Variants in CDKL5 observed in about 807,000 individuals in gnomAD.
The protein encoded by CDKL5 is cyclin-dependent kinase-like 5.
In CDKL5, 8 loss-of-function variants were observed where a neutral mutation model predicts 61.7. That is an observed-to-expected ratio of 0.13 (90% CI 0.08 to 0.23). The LOEUF (loss-of-function observed/expected upper bound fraction) is 0.23, where lower values mean the gene tolerates loss of function less well. CDKL5 is among the 10% of genes least tolerant of loss of function. The pLI is 1.00. For missense variants in CDKL5, 440 were observed against 734.5 expected, an observed-to-expected ratio of 0.60 and a Z score of 4.63; for synonymous variants, 275 against 272.3, an observed-to-expected ratio of 1.01 and a Z score of -0.10.
intron 13 of CDKL5, among the ~76,000 whole-genome samples, chrX:18,609,116 G>A (rs962309093): frequency 2.7e-5 from 3 of 111,617 alleles, no homozygotes; most frequent in Non-Finnish European, 3.8e-5. Context: ...TCTAAATTTG[G>A]GCCAGGTGGC....
chrX:18,640,965 G>A (rs1927553257), downstream of CDKL5: 1 of 112,841 alleles, frequency 8.9e-6, no homozygotes, highest in South Asian at 3.6e-4. Flanking sequence ...AGGAGCAGGC[G>A]CAGTTTGCGT....
intron 1 of CDKL5, among the ~76,000 whole-genome samples, chrX:18,463,346 C>G (rs1264146771): frequency 9.0e-6 from 1 of 111,648 alleles, no homozygotes; most frequent in East Asian, 2.8e-4. Context: ...AATTCAGGTA[C>G]TTGAGGGGAC....
At chrX:18,503,943 A>G (rs1922476377) in intron 1 of CDKL5, among the ~76,000 whole-genome samples, 1 of 111,200 alleles carries the variant, frequency 9.0e-6, no homozygotes, top group African/African-American at 3.3e-5. Flanking sequence ...GGGTTTCACC[A>G]CATTTCCTAG....
chrX:18,561,077 T>C (rs1924790223), intron 3 of CDKL5, among the ~76,000 whole-genome samples: 1 of 111,466 alleles, frequency 9.0e-6, no homozygotes. Flanking sequence ...TCCTAGTATA[T>C]AGATTTTGTT....
rs190908759 is a variant in CDKL5 at position 18,629,575 on chromosome X, C to T, written c.*818C>T. ...ATATGAAGTGAGTATTATACTTCTA[C>T]TAAAGGGAGTTGAATTGTGGCTACA... On this transcript the variant is annotated 3_prime_UTR_variant, in exon 18 of 18. Transcript: ENST00000623535. 7.1e-4 allele frequency: 530 copies of T among 742,113 alleles called. No homozygotes were observed. The highest frequency in any genetic ancestry group is 7.9e-4 in the Non-Finnish European group (499 of 630,070). The allele number at this position is 742,113 out of a possible 1,213,427, so 61.2% of individuals were successfully genotyped here.
intron 8 of CDKL5, 73 bp downstream of exon 8, chrX:18,584,426 C>G: frequency 2.8e-6 from 2 of 704,506 alleles, no homozygotes; most frequent in Non-Finnish European, 2.3e-6. Flanking sequence ...TTGAGTTCAT[C>G]TATGGAAAAT....
chrX:18,438,514 G>C (rs1017157090), intron 1 of CDKL5, among the ~76,000 whole-genome samples: 1 of 109,393 alleles, frequency 9.1e-6, no homozygotes, highest in African/African-American at 3.3e-5. Context: ...GATCTGGCTG[G>C]CCGCGGTGGC....
chrX:18,552,913 A>G (rs1230162302), intron 3 of CDKL5, among the ~76,000 whole-genome samples: 1 of 111,464 alleles, frequency 9.0e-6, no homozygotes, highest in Non-Finnish European at 1.9e-5. Flanking sequence ...CGGAGTTGTC[A>G]GGTTAGTGGA....
intron 3 of CDKL5, among the ~76,000 whole-genome samples, chrX:18,553,615 C>T (rs1470945416): frequency 9.0e-6 from 1 of 110,670 alleles, no homozygotes; most frequent in African/African-American, 3.3e-5. Flanking sequence ...GTCTCAGCCT[C>T]CCGAGTAGCT....
intron 1 of CDKL5, chrX:18,457,670 C>T: frequency 9.1e-6 from 1 of 110,440 alleles, no homozygotes; most frequent in Middle Eastern, 4.6e-3. Flanking sequence ...GGCTGGAGTG[C>T]AGTGGTGTGA....
chrX:18,445,510 C>T (rs1350194294), intron 1 of CDKL5, among the ~76,000 whole-genome samples: 1 of 111,992 alleles, frequency 8.9e-6, no homozygotes, highest in African/African-American at 3.2e-5. Flanking sequence ...TTCCCATGCA[C>T]AGGCTTCAGG....
rs190499904 is a variant in CDKL5 at position 18,444,819 on chromosome X, T to C, written c.-163+19124T>C. ...AAATCTCCCATTTGGCTTCCCTTCT[T>C]CCCTCCAAGATTTTTGCTGTTTCTC... On this transcript the variant is annotated intron_variant, in intron 1 of 17. Coordinates refer to ENST00000623535, the MANE Select transcript of CDKL5 (RefSeq NM_001323289.2). 2.3e-3 allele frequency among the ~76,000 whole-genome samples: 257 copies of C among 112,256 alleles called. 1 individual carries two copies. Among genetic ancestry groups the C allele is most frequent in the African/African-American group, 7.9e-3 (245 of 30,958 alleles).
At chrX:18,442,003 C>T in intron 1 of CDKL5, among the ~76,000 whole-genome samples, 1 of 111,168 alleles carries the variant, frequency 9.0e-6, no homozygotes. Flanking sequence ...ACTTGGGCCC[C>T]CACCCCTCCT....
intron 1 of CDKL5, among the ~76,000 whole-genome samples, chrX:18,465,009 A>G (rs995709173): frequency 3.6e-5 from 4 of 112,006 alleles, no homozygotes; most frequent in African/African-American, 1.3e-4. Context: ...TGTATCCACA[A>G]AGAGATATTC....
intron 3 of CDKL5, among the ~76,000 whole-genome samples, chrX:18,533,750 T>C (rs1923727375): frequency 9.0e-6 from 1 of 111,617 alleles, no homozygotes; most frequent in African/African-American, 3.3e-5. Context: ...AGTACCACAG[T>C]GCCAGGATTG....
At chrX:18,479,747 A>C (rs1921480265) in intron 1 of CDKL5, among the ~76,000 whole-genome samples, 1 of 111,577 alleles carries the variant, frequency 9.0e-6, no homozygotes, top group African/African-American at 3.3e-5. Flanking sequence ...AGATAGATAG[A>C]TATGTTTAGT....
At chrX:18,435,363 G>A (rs1426164883) in intron 1 of CDKL5, among the ~76,000 whole-genome samples, 1 of 112,044 alleles carries the variant, frequency 8.9e-6, no homozygotes, top group Non-Finnish European at 1.9e-5. Flanking sequence ...ACTGAAAATA[G>A]TTGGGGTAGA....
At position 18,625,153 on chromosome X, in the gene CDKL5, T is replaced by C; in HGVS notation, c.2402T>C (p.Leu801Pro). 1 of 1,208,179 alleles carries C rather than the reference T, an allele frequency of 8.3e-7. No homozygotes were observed. The highest frequency in any genetic ancestry group is 2.3e-4 in the Middle Eastern group (1 of 4,350). Residue 801 changes from leucine (L) to proline (P), a missense_variant, in exon 17 of 18, where the codon CTT becomes CCT. This residue lies in a region of CDKL5 where 363 missense variants were observed against 516.3 expected (regional missense o/e 0.70). Coordinates refer to ENST00000623535, the MANE Select transcript of CDKL5 (RefSeq NM_001323289.2). ...GTACCCAATTCCGACAGCCCTGATC[T>C]TCTGACGTTGCAGAAATCCATTCAT... ...QTVPNSDSPD[L>P]LTLQKSIHSA...
Position 18,633,515 on chromosome X carries a change from G to A in CDKL5, c.*4758G>A. 1 of 754,050 alleles carries A rather than the reference G, an allele frequency of 1.3e-6. No homozygotes were observed. Among genetic ancestry groups the A allele is most frequent in the Non-Finnish European group, 1.6e-6 (1 of 639,122 alleles). 62.1% of individuals were successfully genotyped at this position (754,050 alleles called of 1,213,427 possible). ...TAAGCAGTTACAATTTCTTCCTTTT[G>A]CTTCTTGACCAGCTGAGATACAGAA... On this transcript the variant is annotated 3_prime_UTR_variant, in exon 18 of 18. Transcript: ENST00000623535.
Sources: allele counts gnomAD v4.1 joint callset (sites outside exome capture counted in the v4.1 genomes callset), GRCh38; gene constraint gnomAD v4.1.1; regional missense constraint gnomAD v4.1.1; transcripts MANE v1.5; gene names NCBI Gene and HGNC (gene_info 2026-07-23, HGNC 2026-07-21).